ELFN2: variants seen among roughly 807,000 people sequenced by gnomAD.
ELFN2 encodes extracellular leucine rich repeat and fibronectin type III domain containing 2, also known as protein phosphatase 1 regulatory subunit 29.
Under a neutral mutation model 45.5 loss-of-function variants are expected in ELFN2, and 17 were observed. The observed-to-expected ratio is 0.37, with a 90% confidence interval of 0.26 to 0.56. The LOEUF is 0.56. Ranked by LOEUF, ELFN2 falls within the 20% of genes least tolerant of loss-of-function variation. The pLI, the probability that ELFN2 is intolerant of heterozygous loss-of-function variation, is 0.77. For missense variants in ELFN2, 922 were observed against 1,183.2 expected, an observed-to-expected ratio of 0.78 and a Z score of 3.24; for synonymous variants, 550 against 551.5, an observed-to-expected ratio of 1.00 and a Z score of 0.04.
Position 37,373,588 on chromosome 22 carries a change from G to T in ELFN2, c.1947C>A (p.Asp649Glu). ...TAGCCAGCCCTGTGGCGGCCGGATG[G>T]TCGGGCACGTCCAGGCTAAAGACCT... is the stretch of plus-strand genomic sequence containing the variant. ...SAKVFSLDVP[D>E]HPAATGLAKG... is the part of the protein sequence containing the mutation. Residue 649 changes from aspartate to glutamate, a missense_variant, in exon 3 of 3, where the codon GAC (aspartate) becomes GAA (glutamate). Coordinates refer to ENST00000402918, the MANE Select transcript of ELFN2 (RefSeq NM_052906.5). The T allele has an allele frequency of 6.2e-7, 1 of 1,607,584 alleles. No homozygotes were observed. Among genetic ancestry groups the T allele is most frequent in the Non-Finnish European group, 8.5e-7 (1 of 1,178,180 alleles).
At chr22:37,379,067 T>C (rs190577946) in intron 2 of ELFN2, among the ~76,000 whole-genome samples, 72 of 152,170 alleles carry the variant, frequency 4.7e-4, no homozygotes, top group African/African-American at 1.6e-3. Context: ...AAGGGGGTGC[T>C]GCAGGGAGGA....
At chr22:37,345,238 C>A (rs1341574773) in intron 1 of ELFN2, among the ~76,000 whole-genome samples, 1 of 152,198 alleles carries the variant, frequency 6.6e-6, no homozygotes, top group South Asian at 2.1e-4. Context: ...TCCTTTCTGC[C>A]CCTCCCTCCC....
Position 37,412,967 on chromosome 22 carries a change from C to T in ELFN2, c.-463+4802G>A, listed in dbSNP as rs1025898463. On this transcript the variant is annotated intron_variant, in intron 2 of 2. Transcript: ENST00000402918. ...CTCCCTTCCCTTGACACAGTGTGGG[C>T]GGGGACCTCTGAGCATAGGTCCAAA... Among the ~76,000 whole-genome samples, 9 of 152,188 alleles carry T rather than the reference C, an allele frequency of 5.9e-5. No homozygotes were observed. In the East Asian group the frequency reaches 1.2e-3, roughly 20 times the overall value.
At chr22:37,397,688 T>G (rs1932251348) in intron 2 of ELFN2, among the ~76,000 whole-genome samples, 1 of 152,174 alleles carries the variant, frequency 6.6e-6, no homozygotes, top group East Asian at 1.9e-4. Context: ...ATGAGGAAAC[T>G]GAGGCTCCAA....
At chr22:37,381,466 C>G (rs1931764622) in intron 2 of ELFN2, among the ~76,000 whole-genome samples, 1 of 152,204 alleles carries the variant, frequency 6.6e-6, no homozygotes, top group Admixed American at 6.5e-5. Flanking sequence ...TTGCTCTTCT[C>G]TCTGCCTGGA....
Position 37,375,844 on chromosome 22 carries a change from CT to C in ELFN2, c.-311del. ...AGGGCTTGACTTCCTCTCCCTCCTCCTCCTCCTCCTCCTCCTCCTCCTCCTC... is the reference window on the plus strand; with the variant it reads ...AGGGCTTGACTTCCTCTCCCTCCTCCCCTCCTCCTCCTCCTCCTCCTCCTC... On this transcript the variant is annotated 5_prime_UTR_variant, in exon 3 of 3. Transcript: ENST00000402918. 4.8e-6 allele frequency: 2 copies of C among 416,198 alleles called. No individual in the cohort carries two copies. The highest frequency in any genetic ancestry group is 8.9e-6 in the Non-Finnish European group (2 of 225,544). The allele number at this position is 416,198 out of a possible 1,614,324, so 25.8% of individuals were successfully genotyped here. A position where few individuals can be genotyped will look rare whatever the true frequency, so the allele number is the denominator to read the frequency against.
intron 2 of ELFN2, among the ~76,000 whole-genome samples, chr22:37,403,208 C>T (rs571973174): frequency 6.9e-6 from 1 of 145,318 alleles, no homozygotes; most frequent in Non-Finnish European, 1.5e-5. Flanking sequence ...GGCAGGTGCA[C>T]CTGTCCATCC....
chr22:37,345,726 T>G (rs1930680917), intron 1 of ELFN2, among the ~76,000 whole-genome samples: 1 of 152,060 alleles, frequency 6.6e-6, no homozygotes, highest in Non-Finnish European at 1.5e-5. Context: ...TTTTGTATTT[T>G]TAGTAGGGAC....
intron 1 of ELFN2, chr22:37,354,282 C>T (rs1930895168): frequency 6.6e-6 from 1 of 152,214 alleles, no homozygotes; most frequent in Admixed American, 6.5e-5. Context: ...TGTTCTTCAT[C>T]TTCATCAGGA....
At chr22:37,422,942 T>C (rs747390582) in intron 1 of ELFN2, among the ~76,000 whole-genome samples, 369 of 10,392 alleles carry the variant, frequency 0.036, 5 homozygotes, top group Non-Finnish European at 0.057. Flanking sequence ...AAACTGGGCC[T>C]CGGGGGGGGG....
intron 1 of ELFN2, among the ~76,000 whole-genome samples, chr22:37,425,525 ACT>A (rs1601776236): frequency 6.6e-6 from 1 of 151,682 alleles, no homozygotes; most frequent in East Asian, 1.9e-4. Flanking sequence ...ACATTTACAC[ACT>A]CTGGCTGGGG....
chr22:37,375,034 G>A lies in ELFN2; in HGVS notation c.501C>T (p.Asp167=), dbSNP rs375645402. 37 of 1,613,378 alleles carry A rather than the reference G, an allele frequency of 2.3e-5. No homozygotes were observed. Among genetic ancestry groups the A allele is most frequent in the African/African-American group, 1.7e-4 (13 of 74,930 alleles). ...TGGCGAGGCTGGCAAAGGTGGCACC[G>A]TCCAGGCGGCTGAGGCGGTTGGAGG... ...DLSSNRLSRL[D]GATFASLASL... is the part of the protein sequence containing the mutation. The change falls in exon 3 of 3, where the codon GAC becomes GAT. Residue 167 remains aspartate, a synonymous_variant. Coordinates refer to ENST00000402918, the MANE Select transcript of ELFN2 (RefSeq NM_052906.5).
rs762922500 is a variant in ELFN2, at chr22:37,374,172, C to T, written c.1363G>A (p.Ala455Thr). 4.3e-6 allele frequency: 7 copies of T among 1,612,904 alleles called. No homozygotes were observed. The highest frequency in any genetic ancestry group is 5.1e-6 in the Non-Finnish European group (6 of 1,180,040). The change falls in exon 3 of 3, where the codon GCC becomes ACC. Residue 455 changes from alanine to threonine, a missense_variant. Coordinates refer to ENST00000402918, the MANE Select transcript of ELFN2 (RefSeq NM_052906.5). ...GGAGGCTCGCCCAGCTTCTGGGCGGCGTGCACAATGGAGCCGGCATCCACA... is the reference window on the plus strand; with the variant it reads ...GGAGGCTCGCCCAGCTTCTGGGCGGTGTGCACAATGGAGCCGGCATCCACA... Reference protein sequence around the residue: ...ADVDAGSIVHAAQKLGEPPVL... With the variant: ...ADVDAGSIVHTAQKLGEPPVL...
intron 2 of ELFN2, among the ~76,000 whole-genome samples, chr22:37,394,399 A>G (rs1932157425): frequency 6.6e-6 from 1 of 152,006 alleles, no homozygotes; most frequent in Admixed American, 6.6e-5. Context: ...CCGCTTCCAC[A>G]GTTCCCAGGC....
At chr22:37,388,453 G>A (rs1932010580) in intron 2 of ELFN2, among the ~76,000 whole-genome samples, 1 of 152,216 alleles carries the variant, frequency 6.6e-6, no homozygotes, top group Admixed American at 6.5e-5. Context: ...CTGAGTGAAG[G>A]AGGCCAGCTC....
intron 2 of ELFN2, among the ~76,000 whole-genome samples, chr22:37,392,748 A>G (rs992416124): frequency 6.6e-6 from 1 of 152,134 alleles, no homozygotes; most frequent in Admixed American, 6.5e-5. Context: ...ATTTGCCCCC[A>G]CATATCTGTA....
intron 2 of ELFN2, among the ~76,000 whole-genome samples, chr22:37,391,321 A>G (rs1244054037): frequency 6.6e-6 from 1 of 151,978 alleles, no homozygotes; most frequent in Non-Finnish European, 1.5e-5. Flanking sequence ...AGTCTCACTC[A>G]CCCTGTAAAC....
intron 2 of ELFN2, among the ~76,000 whole-genome samples, chr22:37,382,576 A>C (rs1449969269): frequency 7.8e-6 from 1 of 128,864 alleles, no homozygotes; most frequent in Non-Finnish European, 1.6e-5. Flanking sequence ...AACAGACTCT[A>C]GCTAGCTCTG....
At position 37,370,087 on chromosome 22, in the gene ELFN2, C is replaced by T. The variant is rs899183396; in HGVS notation, c.*2985G>A. 5.3e-5 allele frequency: 8 copies of T among 152,196 alleles called. No individual in the cohort carries two copies. The highest frequency in any genetic ancestry group is 9.7e-5 in the African/African-American group (4 of 41,428). 9.4% of individuals were successfully genotyped at this position (152,196 alleles called of 1,614,324 possible). A position where few individuals can be genotyped will look rare whatever the true frequency, so the allele number is the denominator to read the frequency against. The stretch of plus-strand genomic sequence containing the variant: ...TGGCCTGGCTGGGAGGCCAGAGACC[C>T]GAGTCTTAGACCCCGCTCTGCCTCA... On this transcript the variant is annotated 3_prime_UTR_variant, in exon 3 of 3. Transcript: ENST00000402918.
Sources: gnomAD v4.1 joint callset for allele counts (sites outside exome capture counted in the v4.1 genomes callset) on GRCh38, gnomAD v4.1.1 for gene constraint, MANE v1.5 for transcripts, NCBI Gene and HGNC (gene_info 2026-07-23, HGNC 2026-07-21) for gene names.